ASB3: variants seen among roughly 807,000 people sequenced by gnomAD.
ASB3 encodes ankyrin repeat and SOCS box containing 3.
A neutral mutation model predicts 54.5 loss-of-function variants in ASB3; 41 were observed. That is an observed-to-expected ratio of 0.75 (90% confidence interval 0.59 to 0.98). The LOEUF is 0.98. ASB3 is among the 50% of genes least tolerant of loss of function. The probability of loss-of-function intolerance (pLI) is 0.00; values close to 1 mark genes in which losing one functional copy is unlikely to be tolerated. For missense variants in ASB3, 733 were observed against 620.0 expected, an observed-to-expected ratio of 1.18 and a Z score of -1.94; for synonymous variants, 266 against 221.2, an observed-to-expected ratio of 1.20 and a Z score of -1.80.
chr2:53,782,897 C>T lies in ASB3; in HGVS notation c.-14+3924G>A, dbSNP rs533185376. Among the ~76,000 whole-genome samples, 8 of 152,164 alleles carry T rather than the reference C, an allele frequency of 5.3e-5. 1 individual carries two copies. The South Asian group carries it at 1.7e-3, about 32-fold the overall frequency. On this transcript the variant is annotated intron_variant, in intron 1 of 9. Transcript: ENST00000263634. ...CGCCTCCCAGGTTTAAGTGATTCTC[C>T]TGCCCCAGCCTCTTGAGTAGCTGGG...
At position 53,765,444 on chromosome 2, in the gene ASB3, TC is replaced by T. The variant is rs761289559; in HGVS notation, c.128del (p.Gly43AspfsTer14). 1.9e-6 allele frequency: 3 copies of T among 1,614,222 alleles called. No homozygotes were observed. The highest frequency in any genetic ancestry group is 2.2e-5 in the South Asian group (2 of 91,082). On this transcript the variant is annotated frameshift_variant, in exon 2 of 10. Transcript: ENST00000263634. LOFTEE classifies it high-confidence loss of function. ...GRSVDVADNR[G>X]WMPIHEAAYH... The stretch of plus-strand genomic sequence containing the variant: ...AAGCTGCTTCATGAATTGGCATCCA[TC>T]CCCTGTTATCAGCAACATCGACACT...
intron 6 of ASB3, among the ~76,000 whole-genome samples, chr2:53,715,050 T>C (rs1296789063): frequency 6.6e-6 from 1 of 152,130 alleles, no homozygotes; most frequent in African/African-American, 2.4e-5. Context: ...AGATGATAAC[T>C]GGCATGAAAT....
intron 3 of ASB3, among the ~76,000 whole-genome samples, chr2:53,736,400 A>G (rs1476541466): frequency 6.6e-6 from 1 of 152,208 alleles, no homozygotes; most frequent in East Asian, 1.9e-4. Context: ...ACATAAATTA[A>G]TAACCTTAAA....
intron 9 of ASB3, among the ~76,000 whole-genome samples, chr2:53,688,576 G>T (rs1000937964): frequency 6.6e-6 from 1 of 152,210 alleles, no homozygotes; most frequent in Non-Finnish European, 1.5e-5. Flanking sequence ...ATATGAGGTA[G>T]CTACTATTAC....
At position 53,693,931 on chromosome 2, in the gene ASB3, ATCCTTT is replaced by A; in HGVS notation, c.1316_1321del (p.Glu439_Met441delinsVal). ...AGCGTTTGAGGCACGAGCAGAGAGCATCCTTTCAACAGCTGGTGCAAGTGTCTTCCA... is the reference window on the plus strand; with the variant it reads ...AGCGTTTGAGGCACGAGCAGAGAGCACAACAGCTGGTGCAAGTGTCTTCCA... On this transcript the variant is annotated inframe_deletion, in exon 9 of 10. Coordinates refer to ENST00000263634, the MANE Select transcript of ASB3 (RefSeq NM_016115.5). 6.2e-7 allele frequency: 1 copy of A among 1,613,698 alleles called. No individual in the cohort carries two copies. The highest frequency in any genetic ancestry group is 2.2e-5 in the East Asian group (1 of 44,860).
chr2:53,706,219 A>G (rs1324242890), intron 7 of ASB3, among the ~76,000 whole-genome samples: 1 of 152,194 alleles, frequency 6.6e-6, no homozygotes, highest in Non-Finnish European at 1.5e-5. Flanking sequence ...CCCAAGAATC[A>G]TGCTCCATCC....
At chr2:53,692,671 C>T (rs1166936591) in intron 9 of ASB3, among the ~76,000 whole-genome samples, 4 of 152,126 alleles carry the variant, frequency 2.6e-5, no homozygotes, top group Non-Finnish European at 5.9e-5. Flanking sequence ...TCTCATATAT[C>T]CTTACTAATC....
chr2:53,701,295 CTT>C (rs918399006), intron 7 of ASB3, among the ~76,000 whole-genome samples: 12 of 151,996 alleles, frequency 7.9e-5, no homozygotes, highest in Non-Finnish European at 1.8e-4. Flanking sequence ...AATTTAAAAA[CTT>C]TTTTAATTAA....
chr2:53,677,459 C>A (rs1389759615), intron 9 of ASB3, among the ~76,000 whole-genome samples: 2 of 152,104 alleles, frequency 1.3e-5, no homozygotes, highest in African/African-American at 4.8e-5. Context: ...CTCCTTCCAA[C>A]TTAGTACACC....
intron 2 of ASB3, among the ~76,000 whole-genome samples, chr2:53,761,692 T>G (rs1279011582): frequency 2.0e-5 from 3 of 152,238 alleles, no homozygotes; most frequent in Non-Finnish European, 4.4e-5. Context: ...ATGATGGGAC[T>G]TCTCAGCTCC....
intron 8 of ASB3, among the ~76,000 whole-genome samples, chr2:53,699,808 C>A (rs1161012239): frequency 6.6e-6 from 1 of 152,146 alleles, no homozygotes; most frequent in African/African-American, 2.4e-5. Flanking sequence ...GAGGAACTAC[C>A]TGAAGTAAAC....
At chr2:53,776,800 C>G (rs999343823) in intron 1 of ASB3, among the ~76,000 whole-genome samples, 1 of 152,164 alleles carries the variant, frequency 6.6e-6, no homozygotes, top group Admixed American at 6.5e-5. Flanking sequence ...GGCTGGGCAA[C>G]AGAGCAAGAC....
intron 9 of ASB3, among the ~76,000 whole-genome samples, chr2:53,678,316 C>T (rs1288156770): frequency 6.6e-6 from 1 of 152,120 alleles, no homozygotes; most frequent in Non-Finnish European, 1.5e-5. Flanking sequence ...ACAACCATCC[C>T]GCCTTCAACC....
intron 2 of ASB3, among the ~76,000 whole-genome samples, chr2:53,761,499 G>A (rs191214952): frequency 6.6e-6 from 1 of 151,954 alleles, no homozygotes; most frequent in East Asian, 1.9e-4. Flanking sequence ...CTTGGATACT[G>A]GAGATCCTGA....
In ASB3 at chr2:53,670,449, G is replaced by C. The variant is rs1450723635; in HGVS notation, c.*54C>G. On this transcript the variant is annotated 3_prime_UTR_variant, in exon 10 of 10. Coordinates refer to ENST00000263634, the MANE Select transcript of ASB3 (RefSeq NM_016115.5). The stretch of plus-strand genomic sequence containing the variant: ...AAAACTTGTACTCTGTGGCTCTTTT[G>C]TCTCGATGATTTTTCAGAGAAAAAA... The C allele has an allele frequency of 6.4e-7, 1 of 1,566,062 alleles. No homozygotes were observed. The highest frequency in any genetic ancestry group is 8.6e-7 in the Non-Finnish European group (1 of 1,156,282).
intron 1 of ASB3, among the ~76,000 whole-genome samples, chr2:53,782,847 C>T (rs938840724): frequency 1.3e-5 from 2 of 151,908 alleles, no homozygotes; most frequent in South Asian, 2.1e-4. Context: ...AGTGCAATGG[C>T]GCAATCTCGG....
chr2:53,781,688 T>A (rs376335985), intron 1 of ASB3, among the ~76,000 whole-genome samples: 1 of 151,774 alleles, frequency 6.6e-6, no homozygotes, highest in South Asian at 2.1e-4. Flanking sequence ...AGAGACAGGG[T>A]TTCTCCAGGT....
At chr2:53,761,630 T>C (rs1047835086) in intron 2 of ASB3, among the ~76,000 whole-genome samples, 2 of 152,170 alleles carry the variant, frequency 1.3e-5, no homozygotes, top group East Asian at 3.9e-4. Context: ...CCTTCAGACT[T>C]AGGGTGAGTT....
chr2:53,776,655 T>TA (rs1172678445), intron 1 of ASB3, among the ~76,000 whole-genome samples: 1 of 151,970 alleles, frequency 6.6e-6, no homozygotes, highest in African/African-American at 2.4e-5. Flanking sequence ...ACCATCTCTA[T>TA]AAAAAATTTA....
Sources: gnomAD v4.1 joint callset for allele counts (sites outside exome capture counted in the v4.1 genomes callset) on GRCh38, gnomAD v4.1.1 for gene constraint, MANE v1.5 for transcripts, NCBI Gene and HGNC (gene_info 2026-07-23, HGNC 2026-07-21) for gene names.